The following ZBTB46 variants were observed in gnomAD, a reference collection of about 807,000 sequenced individuals.
ZBTB46 encodes zinc finger and BTB domain containing 46, also known as zinc finger and BTB domain-containing protein 46.
ZBTB46 carries 8 observed loss-of-function variants against 44.1 expected under a neutral mutation model. The observed-to-expected ratio is 0.18, with a 90% confidence interval of 0.11 to 0.33. The LOEUF is 0.33. ZBTB46 is among the 10% of genes least tolerant of loss of function. ZBTB46 has a pLI of 1.00. For missense variants in ZBTB46, 651 were observed against 847.7 expected, an observed-to-expected ratio of 0.77 and a Z score of 2.88; for synonymous variants, 409 against 382.3, an observed-to-expected ratio of 1.07 and a Z score of -0.81.
Position 63,790,209 on chromosome 20 carries a change from G to C in ZBTB46, c.549C>G (p.Asp183Glu), listed in dbSNP as rs1340661913. The C allele has an allele frequency of 4.3e-6, 7 of 1,612,890 alleles. No individual in the cohort carries two copies. The highest frequency in any genetic ancestry group is 5.9e-6 in the Non-Finnish European group (7 of 1,179,584). ...CGTCGTGACAGCTGGCGATGGCCGA[G>C]TCTCCGGAAGAATTGGCAGGACTCG... is the stretch of plus-strand genomic sequence containing the variant. ...RRTSPANSSGDSAIASCHDGG... is the reference protein window; with the variant it reads ...RRTSPANSSGESAIASCHDGG... The change falls in exon 2 of 5, where the codon GAC becomes GAG. Residue 183 changes from aspartate (D) to glutamate (E), a missense_variant. Asp to Glu is a conservative substitution (Grantham distance 45). Around this residue, in one of 5 missense-constraint regions of ZBTB46, gnomAD observed 385 missense variants for 423.3 expected, o/e 0.91. Transcript: ENST00000245663.
chr20:63,803,244 G>T lies in ZBTB46; in HGVS notation c.-33-12454C>A. The T allele has an allele frequency of 1.1e-6, 1 of 942,666 alleles. No homozygotes were observed. The highest frequency in any genetic ancestry group is 1.8e-5 in the African/African-American group (1 of 56,368). 58.4% of individuals were successfully genotyped at this position (942,666 alleles called of 1,614,324 possible). A position where few individuals can be genotyped will look rare whatever the true frequency, so the allele number is the denominator to read the frequency against. On this transcript the variant is annotated intron_variant, in intron 1 of 4. Coordinates refer to ENST00000245663, the MANE Select transcript of ZBTB46 (RefSeq NM_001369741.1). This position sits in a 1 kb window ranked among gnomAD's most constrained non-coding sequence, Gnocchi z 4.0. ...CAGGCACCTCCCCTCACACCAAGGCGTTCATGGTTTACCTTCTTCTGAAAA... is the reference window on the plus strand; with the variant it reads ...CAGGCACCTCCCCTCACACCAAGGCTTTCATGGTTTACCTTCTTCTGAAAA...
In ZBTB46 at chr20:63,775,904, C is replaced by G; in HGVS notation, c.996G>C (p.Glu332Asp). The G allele has an allele frequency of 6.2e-7, 1 of 1,605,680 alleles. No homozygotes were observed. The highest frequency in any genetic ancestry group is 8.5e-7 in the Non-Finnish European group (1 of 1,177,104). Residue 332 changes from glutamate (E) to aspartate (D), a missense_variant, in exon 3 of 5, where the codon GAG (glutamate) becomes GAC (aspartate). Around this residue, in one of 5 missense-constraint regions of ZBTB46, gnomAD observed 385 missense variants for 423.3 expected, o/e 0.91. Coordinates refer to ENST00000245663, the MANE Select transcript of ZBTB46 (RefSeq NM_001369741.1). ...GACCCTCCTCCACCTGTGCATAGAG[C>G]TCGGCCCTCTCTCCTCGGCTGTCGG... ...SSSDSRGERA[E>D]LYAQVEEGLL... is the part of the protein sequence containing the mutation.
intron 1 of ZBTB46, among the ~76,000 whole-genome samples, chr20:63,793,862 A>G (rs981762740): frequency 6.6e-6 from 1 of 152,202 alleles, no homozygotes; most frequent in African/African-American, 2.4e-5. Context: ...AGTTAAAAAA[A>G]TAAATAAATA....
At chr20:63,831,595 GGCGGC>G (rs2092852866), upstream of ZBTB46, among the ~76,000 whole-genome samples, 1 of 148,920 alleles carries the variant, frequency 6.7e-6, no homozygotes, top group African/African-American at 2.4e-5. Context: ...GGGGGGCTGG[GGCGGC>G]GCGGCGCGGG....
intron 4 of ZBTB46, among the ~76,000 whole-genome samples, chr20:63,747,539 G>GGGGCGGGGCA (rs2092115029): frequency 7.8e-6 from 1 of 128,638 alleles, no homozygotes; most frequent in African/African-American, 3.0e-5. Flanking sequence ...TGGTGGGTGG[G>GGGGCGGGGCA]GGGGGTGCGG....
At chr20:63,828,338 A>G (rs1365787876) in intron 1 of ZBTB46, among the ~76,000 whole-genome samples, 1 of 152,254 alleles carries the variant, frequency 6.6e-6, no homozygotes, top group Non-Finnish European at 1.5e-5. Context: ...AGAGGACCAC[A>G]ATCAGGATAA....
chr20:63,829,545 G>T lies in ZBTB46; in HGVS notation c.-34+1552C>A, dbSNP rs868418191. The stretch of plus-strand genomic sequence containing the variant: ...GATGTCTAGCTTTTTAGGGGACACA[G>T]TAAGTTCCCACCTAAATTTGCAGTA... On this transcript the variant is annotated intron_variant, in intron 1 of 4. Coordinates refer to ENST00000245663, the MANE Select transcript of ZBTB46 (RefSeq NM_001369741.1). Among the ~76,000 whole-genome samples, 20 of 152,342 alleles carry T rather than the reference G, an allele frequency of 1.3e-4. No homozygotes were observed. In the Middle Eastern group the frequency reaches 0.027, roughly 207 times the overall value.
intron 1 of ZBTB46, among the ~76,000 whole-genome samples, chr20:63,793,270 G>C (rs973332563): frequency 1.3e-5 from 2 of 152,236 alleles, no homozygotes; most frequent in South Asian, 2.1e-4. Context: ...GACATTCGGA[G>C]CAGGCTGTGG....
intron 1 of ZBTB46, among the ~76,000 whole-genome samples, chr20:63,830,315 C>A (rs1372089959): frequency 6.6e-6 from 1 of 152,104 alleles, no homozygotes; most frequent in Non-Finnish European, 1.5e-5. Context: ...GCTCGCGCTC[C>A]CCCGCGAAAC....
chr20:63,829,281 G>A (rs1242199082), intron 1 of ZBTB46, among the ~76,000 whole-genome samples: 2 of 152,306 alleles, frequency 1.3e-5, no homozygotes, highest in Non-Finnish European at 2.9e-5. Context: ...AGCACAGAAC[G>A]ACTCATCCTC....
At position 63,790,431 on chromosome 20, in the gene ZBTB46, G is replaced by A; in HGVS notation, c.327C>T (p.Ala109=). The A allele has an allele frequency of 6.2e-7, 1 of 1,613,154 alleles. No homozygotes were observed. Among genetic ancestry groups the A allele is most frequent in the East Asian group, 2.2e-5 (1 of 44,876 alleles). Residue 109 remains alanine (A), a synonymous_variant, in exon 2 of 5, where the codon GCC becomes GCT. Coordinates refer to ENST00000245663, the MANE Select transcript of ZBTB46 (RefSeq NM_001369741.1). ...SRNVIEVMSA[A]SFLQMTDIVQ... ...CGATGTCCGTCATCTGCAGGAAGCT[G>A]GCGGCTGACATCACCTCGATGACGT...
chr20:63,826,234 T>C (rs1374612339), intron 1 of ZBTB46, among the ~76,000 whole-genome samples: 1 of 152,284 alleles, frequency 6.6e-6, no homozygotes, highest in Non-Finnish European at 1.5e-5. Flanking sequence ...GTGTGTCCCA[T>C]GCAAGCAGCA....
chr20:63,833,377 G>A (rs1257208731), upstream of ZBTB46, among the ~76,000 whole-genome samples: 4 of 152,184 alleles, frequency 2.6e-5, no homozygotes, highest in African/African-American at 9.7e-5. Flanking sequence ...GGATCACGAG[G>A]TCAGGAGATC....
intron 1 of ZBTB46, among the ~76,000 whole-genome samples, chr20:63,822,589 G>A (rs1433619366): frequency 1.3e-5 from 2 of 152,134 alleles, no homozygotes; most frequent in African/African-American, 4.8e-5. Flanking sequence ...ATGTCCACAG[G>A]AAGATGCACC....
chr20:63,779,713 C>A (rs369588810), intron 2 of ZBTB46, among the ~76,000 whole-genome samples: 1 of 151,638 alleles, frequency 6.6e-6, no homozygotes. Flanking sequence ...TGAGCCACCG[C>A]GCCCGGCCGC....
At chr20:63,833,866 A>G (rs946372589), upstream of ZBTB46, among the ~76,000 whole-genome samples, 10 of 152,276 alleles carry the variant, frequency 6.6e-5, no homozygotes, top group African/African-American at 2.4e-4. Flanking sequence ...AAGAGCTGAT[A>G]AACCCCATTA....
intron 3 of ZBTB46, among the ~76,000 whole-genome samples, chr20:63,768,751 C>A (rs1443730842): frequency 6.6e-6 from 1 of 151,972 alleles, no homozygotes; most frequent in Admixed American, 6.6e-5. Flanking sequence ...CAGGGCTCTG[C>A]GCGGCTCGGG....
At chr20:63,776,834 C>G (rs2092429799) in intron 2 of ZBTB46, among the ~76,000 whole-genome samples, 2 of 151,364 alleles carry the variant, frequency 1.3e-5, no homozygotes, top group South Asian at 4.2e-4. Context: ...ACCTATATAT[C>G]TGATAATAAA....
chr20:63,782,368 G>A (rs1444665696), intron 2 of ZBTB46, among the ~76,000 whole-genome samples: 1 of 152,158 alleles, frequency 6.6e-6, no homozygotes, highest in Non-Finnish European at 1.5e-5. Context: ...ATGGGAAGGG[G>A]CAGGAATGAT....
Sources: gnomAD v4.1 joint callset for allele counts (sites outside exome capture counted in the v4.1 genomes callset) on GRCh38, gnomAD v4.1.1 for gene constraint, gnomAD v4.1.1 regional missense constraint, Gnocchi (gnomAD v3.1) non-coding constraint, MANE v1.5 for transcripts, NCBI Gene and HGNC (gene_info 2026-07-23, HGNC 2026-07-21) for gene names.